Variants in ITSN1 observed in about 807,000 individuals in gnomAD.
ITSN1 encodes the protein intersectin-1.
Under a neutral mutation model 239.8 loss-of-function variants are expected in ITSN1, and 58 were observed. The observed-to-expected ratio is 0.24, with a 90% CI of 0.20 to 0.30. ITSN1 has a LOEUF of 0.30. Ranked by LOEUF, ITSN1 falls within the 10% of genes least tolerant of loss-of-function variation. The pLI, the probability that ITSN1 is intolerant of heterozygous loss-of-function variation, is 1.00. For missense variants in ITSN1, 1,558 were observed against 2,103.3 expected, an observed-to-expected ratio of 0.74 and a Z score of 5.07; for synonymous variants, 780 against 770.8, an observed-to-expected ratio of 1.01 and a Z score of -0.20.
Position 33,892,513 on chromosome 21 carries a change from G to C in ITSN1, c.*4213G>C, listed in dbSNP as rs1216080582. On this transcript the variant is annotated 3_prime_UTR_variant, in exon 40 of 40. Coordinates refer to ENST00000381318, the MANE Select transcript of ITSN1 (RefSeq NM_003024.3). ...CATTTGTTCAAATGACCCAGAAGAT[G>C]AATCCATTTCTGGGAAGGCTGAGCT... 2.0e-5 allele frequency: 3 copies of C among 152,174 alleles called. No individual in the cohort carries two copies. The highest frequency in any genetic ancestry group is 1.3e-4 in the Admixed American group (2 of 15,272). 9.4% of individuals were successfully genotyped at this position (152,174 alleles called of 1,614,324 possible).
At chr21:33,702,491 C>T (rs2092069365) in intron 1 of ITSN1, among the ~76,000 whole-genome samples, 1 of 152,128 alleles carries the variant, frequency 6.6e-6, no homozygotes, top group Non-Finnish European at 1.5e-5. Flanking sequence ...TTTAAAAGAC[C>T]AATTACAGTT....
At chr21:33,753,352 G>A (rs2067686404) in intron 7 of ITSN1, among the ~76,000 whole-genome samples, 2 of 152,060 alleles carry the variant, frequency 1.3e-5, no homozygotes, top group African/African-American at 2.4e-5. Flanking sequence ...GTCTCAAGAT[G>A]GTGCATGAGG....
intron 19 of ITSN1, among the ~76,000 whole-genome samples, chr21:33,802,195 T>G (rs1356221689): frequency 6.6e-6 from 1 of 152,196 alleles, no homozygotes; most frequent in East Asian, 1.9e-4. Context: ...TTATGAAATG[T>G]GATGATGAGG....
intron 1 of ITSN1, among the ~76,000 whole-genome samples, chr21:33,667,263 TG>T (rs1474177592): frequency 6.6e-6 from 1 of 151,078 alleles, no homozygotes; most frequent in Non-Finnish European, 1.5e-5. Context: ...TGGATTTTTT[TG>T]TTTTTTTTTT....
intron 8 of ITSN1, among the ~76,000 whole-genome samples, chr21:33,757,809 T>A (rs2068028191): frequency 1.3e-5 from 2 of 152,188 alleles, no homozygotes; most frequent in South Asian, 4.1e-4. Flanking sequence ...ATATTTGTAA[T>A]CTCTTGTTTT....
chr21:33,823,338 C>A, intron 24 of ITSN1, 149 bp from the exon 25 acceptor site: 1 of 666,888 alleles, frequency 1.5e-6, no homozygotes, highest in Non-Finnish European at 2.6e-6. Flanking sequence ...CCAGGGCATT[C>A]TGCAGCTCTG....
intron 29 of ITSN1, among the ~76,000 whole-genome samples, chr21:33,855,708 A>C (rs899131439): frequency 6.6e-6 from 1 of 152,254 alleles, no homozygotes; most frequent in African/African-American, 2.4e-5. Flanking sequence ...GCACCATCTC[A>C]GGGCAGTGGA....
chr21:33,838,638 G>A, intron 29 of ITSN1: 1 of 181,638 alleles, frequency 5.5e-6, no homozygotes, highest in Non-Finnish European at 1.1e-5. Context: ...ATTATCAGAG[G>A]CTCGCCGAGT....
chr21:33,660,174 C>T (rs1019364103), intron 1 of ITSN1, among the ~76,000 whole-genome samples: 2 of 152,190 alleles, frequency 1.3e-5, no homozygotes, highest in African/African-American at 4.8e-5. Flanking sequence ...CTTCCTGACT[C>T]GTCTGGCTTC....
At chr21:33,724,086 T>G (rs2065668193) in intron 4 of ITSN1, among the ~76,000 whole-genome samples, 1 of 125,404 alleles carries the variant, frequency 8.0e-6, no homozygotes, top group African/African-American at 3.4e-5. Flanking sequence ...CAGGAGATTG[T>G]GTGTGTGTGT....
intron 4 of ITSN1, among the ~76,000 whole-genome samples, chr21:33,734,831 A>G (rs541510117): frequency 2.0e-5 from 3 of 152,338 alleles, no homozygotes; most frequent in East Asian, 1.9e-4. Context: ...ATTACCTGCT[A>G]AAGTGGCAGA....
chr21:33,678,862 C>T (rs1359892964), intron 1 of ITSN1, among the ~76,000 whole-genome samples: 2 of 152,216 alleles, frequency 1.3e-5, no homozygotes, highest in East Asian at 1.9e-4. Flanking sequence ...TACAGGCATG[C>T]GCCACCACGC....
At chr21:33,875,222 C>T (rs1228091470) in intron 33 of ITSN1, 132 bp from the exon 34 acceptor site, 8 of 892,942 alleles carry the variant, frequency 9.0e-6, no homozygotes, top group Admixed American at 4.1e-5. Flanking sequence ...CTCAGAGCTG[C>T]GATTGCTCAA....
chr21:33,646,748 TAA>T (rs1349680806), intron 1 of ITSN1, among the ~76,000 whole-genome samples: 1 of 152,194 alleles, frequency 6.6e-6, no homozygotes, highest in Non-Finnish European at 1.5e-5. Context: ...TTGGGGTGTA[TAA>T]AAATACCTAA....
chr21:33,649,271 C>T (rs967934016), intron 1 of ITSN1, among the ~76,000 whole-genome samples: 14 of 152,152 alleles, frequency 9.2e-5, no homozygotes, highest in Non-Finnish European at 2.1e-4. Context: ...ATGTGAAGGC[C>T]TCAGTGTAGA....
At chr21:33,793,128 A>G (rs2071275458) in intron 16 of ITSN1, among the ~76,000 whole-genome samples, 1 of 152,196 alleles carries the variant, frequency 6.6e-6, no homozygotes, top group South Asian at 2.1e-4. Context: ...AGGTTAGCCT[A>G]ACCCTTAGGA....
At chr21:33,820,322 C>T (rs1374995384) in intron 24 of ITSN1, among the ~76,000 whole-genome samples, 2 of 152,240 alleles carry the variant, frequency 1.3e-5, no homozygotes, top group Non-Finnish European at 2.9e-5. Context: ...CACATCCTAA[C>T]TGGAGAGTGC....
At chr21:33,711,181 T>C (rs1251802588) in intron 1 of ITSN1, among the ~76,000 whole-genome samples, 1 of 152,198 alleles carries the variant, frequency 6.6e-6, no homozygotes, top group African/African-American at 2.4e-5. Context: ...TTGTTTCTTT[T>C]ATCTACACTG....
rs551868804 is a variant in ITSN1 at position 33,643,202 on chromosome 21, C to T, written c.-33+489C>T. 4.9e-4 allele frequency among the ~76,000 whole-genome samples: 74 copies of T among 151,726 alleles called. 1 individual carries two copies. Among genetic ancestry groups the T allele is most frequent in the Non-Finnish European group, 9.4e-4 (64 of 67,846 alleles). Reference sequence around the variant, plus strand: ...CTGCCTGGAGCCCCGGCTCCTTCCTCGGCCCCTCGCTCGCAAGCCTGCAGA... The same window carrying T: ...CTGCCTGGAGCCCCGGCTCCTTCCTTGGCCCCTCGCTCGCAAGCCTGCAGA... On this transcript the variant is annotated intron_variant, in intron 1 of 39. Coordinates refer to ENST00000381318, the MANE Select transcript of ITSN1 (RefSeq NM_003024.3).
Sources: gnomAD v4.1 joint callset for allele counts (sites outside exome capture counted in the v4.1 genomes callset) on GRCh38, gnomAD v4.1.1 for gene constraint, MANE v1.5 for transcripts, NCBI Gene and HGNC (gene_info 2026-07-23, HGNC 2026-07-21) for gene names.